SECISBP2L: variants seen among roughly 807,000 people sequenced by gnomAD.
The protein encoded by SECISBP2L is selenocysteine insertion sequence-binding protein 2-like.
In SECISBP2L, 43 loss-of-function variants were observed where a neutral mutation model predicts 114.7. That is an observed-to-expected ratio of 0.38 (90% CI 0.29 to 0.48). The LOEUF is 0.48. Ranked by LOEUF, SECISBP2L falls within the 20% of genes least tolerant of loss-of-function variation. SECISBP2L has a pLI of 0.98. For missense variants in SECISBP2L, 1,136 were observed against 1,301.1 expected (o/e 0.87, Z 1.95); for synonymous variants, 451 against 439.7 (o/e 1.03, Z -0.32).
At chr15:49,015,840 T>A (rs985750655) in intron 11 of SECISBP2L, among the ~76,000 whole-genome samples, 1 of 152,058 alleles carries the variant, frequency 6.6e-6, no homozygotes, top group Admixed American at 6.6e-5. Context: ...AGAAAAAAAT[T>A]TGGGTGAGTC....
intron 2 of SECISBP2L, among the ~76,000 whole-genome samples, chr15:49,035,937 T>G (rs1328053686): frequency 6.6e-6 from 1 of 152,166 alleles, no homozygotes; most frequent in Admixed American, 6.6e-5. Flanking sequence ...GCCTTCCAAT[T>G]CCTCAAGATA....
At chr15:49,035,216 G>A in intron 3 of SECISBP2L, 118 bp downstream of exon 3, 1 of 841,266 alleles carries the variant, frequency 1.2e-6, no homozygotes, top group African/African-American at 1.7e-5. Context: ...TTTTACAATA[G>A]TGAACAATAT....
intron 5 of SECISBP2L, 46 bp downstream of exon 5, chr15:49,028,407 T>C: frequency 6.4e-7 from 1 of 1,556,748 alleles, no homozygotes; most frequent in Non-Finnish European, 8.9e-7. Flanking sequence ...AAAATAATAA[T>C]ACTGATATCA....
intron 14 of SECISBP2L, among the ~76,000 whole-genome samples, chr15:49,007,502 A>G (rs1232008737): frequency 9.9e-5 from 15 of 152,196 alleles, no homozygotes. Flanking sequence ...CCCAGAGAGG[A>G]GGAATCTAAA....
intron 14 of SECISBP2L, among the ~76,000 whole-genome samples, chr15:49,005,136 C>T (rs949185995): frequency 2.0e-5 from 3 of 152,196 alleles, no homozygotes; most frequent in African/African-American, 7.2e-5. Context: ...TTGAGACCAG[C>T]CTGGCCAACA....
chr15:49,011,808 A>G lies in SECISBP2L; in HGVS notation c.1787T>C (p.Leu596Pro), dbSNP rs568945877. Residue 596 changes from leucine (L) to proline (P), a missense_variant, in exon 13 of 18, where the codon CTT (leucine) becomes CCT (proline). Around this residue, in one of 2 missense-constraint regions of SECISBP2L, gnomAD observed 684 missense variants for 848.7 expected, o/e 0.81. Transcript: ENST00000559471. ...TTCTGTTGGTTCCTCGGATCCCAAA[A>G]GATTGTGGTCCACAGTTAAGCGCCC... ...KKGRLTVDHNLLGSEEPTEMH... is the reference protein window; with the variant it reads ...KKGRLTVDHNPLGSEEPTEMH... 11 of 1,614,146 alleles carry G rather than the reference A, an allele frequency of 6.8e-6. No individual in the cohort carries two copies. The South Asian group carries it at 1.1e-4, about 16-fold the overall frequency.
chr15:49,024,263 C>G (rs746906235), intron 7 of SECISBP2L, among the ~76,000 whole-genome samples: 27 of 152,076 alleles, frequency 1.8e-4, no homozygotes, highest in African/African-American at 6.5e-4. Flanking sequence ...TTTGGGAGGC[C>G]GAGGTGGGTG....
intron 1 of SECISBP2L, among the ~76,000 whole-genome samples, chr15:49,040,399 C>CTA (rs1288655421): frequency 6.6e-6 from 1 of 152,088 alleles, no homozygotes; most frequent in African/African-American, 2.4e-5. Flanking sequence ...AAACTTTCTC[C>CTA]TATAGCTACA....
At chr15:49,036,303 T>C (rs1903005002) in intron 2 of SECISBP2L, among the ~76,000 whole-genome samples, 1 of 152,166 alleles carries the variant, frequency 6.6e-6, no homozygotes, top group Non-Finnish European at 1.5e-5. Flanking sequence ...TATAAAACAC[T>C]AGCAAAATTC....
chr15:49,002,035 ACTGT>A (rs1313132876), intron 14 of SECISBP2L: 1 of 146,198 alleles, frequency 6.8e-6, no homozygotes, highest in African/African-American at 2.5e-5. Flanking sequence ...GAATCGACAC[ACTGT>A]CTTTCACAAT....
At chr15:49,007,551 C>T (rs1902350012) in intron 14 of SECISBP2L, among the ~76,000 whole-genome samples, 1 of 152,132 alleles carries the variant, frequency 6.6e-6, no homozygotes, top group Non-Finnish European at 1.5e-5. Flanking sequence ...GAGCTCAATT[C>T]AGATAGATTT....
Position 49,035,665 on chromosome 15 carries a change from A to T in SECISBP2L, c.204-7T>A. 6.3e-7 allele frequency: 1 copy of T among 1,593,300 alleles called. No homozygotes were observed. Among genetic ancestry groups the T allele is most frequent in the Non-Finnish European group, 8.6e-7 (1 of 1,168,344 alleles). Reference sequence around the variant, plus strand: ...GTTATATAAAGGAAACTGTCTGCAAAACCAAATCAAAGAAGAACAAATCTA... The same window carrying T: ...GTTATATAAAGGAAACTGTCTGCAATACCAAATCAAAGAAGAACAAATCTA... On this transcript the variant is annotated splice_region_variant and splice_polypyrimidine_tract_variant and intron_variant, in intron 2 of 17. Coordinates refer to ENST00000559471, the MANE Select transcript of SECISBP2L (RefSeq NM_001193489.2).
intron 13 of SECISBP2L, among the ~76,000 whole-genome samples, chr15:49,010,492 T>C (rs1426828162): frequency 6.6e-6 from 1 of 152,126 alleles, no homozygotes; most frequent in African/African-American, 2.4e-5. Flanking sequence ...AAGCTACACA[T>C]GGTGTTTTTT....
intron 3 of SECISBP2L, 116 bp downstream of exon 3, chr15:49,035,218 G>C (rs951783983): frequency 4.7e-6 from 4 of 858,222 alleles, no homozygotes; most frequent in East Asian, 5.2e-5. Context: ...TTACAATAGT[G>C]AACAATATGT....
intron 13 of SECISBP2L, 163 bp downstream of exon 13, chr15:49,011,568 C>CT: frequency 2.6e-6 from 2 of 781,966 alleles, no homozygotes; most frequent in Non-Finnish European, 4.0e-6. Context: ...AACCATCTCC[C>CT]TACAAAAGCA....
chr15:49,023,435 T>C (rs1902682418), intron 7 of SECISBP2L, among the ~76,000 whole-genome samples: 1 of 152,242 alleles, frequency 6.6e-6, no homozygotes, highest in South Asian at 2.1e-4. Context: ...TCTGAAGCCG[T>C]ATGAAACTAG....
At chr15:49,000,653 A>G (rs1902183996) in intron 15 of SECISBP2L, among the ~76,000 whole-genome samples, 1 of 152,196 alleles carries the variant, frequency 6.6e-6, no homozygotes, top group Admixed American at 6.5e-5. Context: ...GGTGGGCCAA[A>G]CTGAAATCTT....
At chr15:49,028,892 T>C (rs947943938) in intron 4 of SECISBP2L, among the ~76,000 whole-genome samples, 2 of 152,168 alleles carry the variant, frequency 1.3e-5, no homozygotes, top group African/African-American at 4.8e-5. Context: ...AAGGTCTCAG[T>C]CTGTTTCGCA....
intron 2 of SECISBP2L, 106 bp from the exon 3 acceptor site, chr15:49,035,764 C>T: frequency 9.7e-7 from 1 of 1,033,224 alleles, no homozygotes; most frequent in Middle Eastern, 2.3e-4. Flanking sequence ...AGAACAGTGG[C>T]TTCATGATAA....
Sources: gnomAD v4.1 joint callset for allele counts (sites outside exome capture counted in the v4.1 genomes callset) on GRCh38, gnomAD v4.1.1 for gene constraint, gnomAD v4.1.1 regional missense constraint, MANE v1.5 for transcripts, NCBI Gene and HGNC (gene_info 2026-07-23, HGNC 2026-07-21) for gene names.